SLIT2: variants seen among roughly 807,000 people sequenced by gnomAD.
The protein encoded by SLIT2 is slit homolog 2 protein.
SLIT2 carries 41 observed loss-of-function variants against 185.7 expected under a neutral mutation model. The ratio of observed to expected loss-of-function variants is 0.22; its 90% CI spans 0.17 to 0.29. The LOEUF is 0.29. Among genes scored for constraint, SLIT2 ranks in the 10% least tolerant of loss-of-function variants. The pLI, the probability that SLIT2 is intolerant of heterozygous loss-of-function variation, is 1.00. For missense variants in SLIT2, 1,571 were observed against 1,909.0 expected (o/e 0.82, Z 3.30); for synonymous variants, 693 against 680.2 (o/e 1.02, Z -0.29).
intron 4 of SLIT2, among the ~76,000 whole-genome samples, chr4:20,362,228 G>C (rs1165936456): frequency 6.6e-6 from 1 of 152,062 alleles, no homozygotes; most frequent in Non-Finnish European, 1.5e-5. Flanking sequence ...TATCAAGGAT[G>C]GTTCTGTCTG....
At chr4:20,332,011 T>A (rs1720103341) in intron 4 of SLIT2, among the ~76,000 whole-genome samples, 1 of 152,232 alleles carries the variant, frequency 6.6e-6, no homozygotes, top group African/African-American at 2.4e-5. Flanking sequence ...TTACTTTGTT[T>A]ATCCATTCAC....
chr4:20,483,061 G>A (rs992477829), intron 6 of SLIT2, among the ~76,000 whole-genome samples: 2 of 151,874 alleles, frequency 1.3e-5, no homozygotes, highest in South Asian at 2.1e-4. Flanking sequence ...TTTACCATTC[G>A]TGACTCTTTA....
intron 20 of SLIT2, among the ~76,000 whole-genome samples, 180 bp from the exon 21 acceptor site, chr4:20,542,314 C>T (rs1403344280): frequency 1.3e-5 from 2 of 152,094 alleles, no homozygotes; most frequent in Non-Finnish European, 2.9e-5. Context: ...CCTAGGCAGT[C>T]TGAAAACAGT....
intron 4 of SLIT2, among the ~76,000 whole-genome samples, chr4:20,395,448 A>G (rs560559623): frequency 6.6e-6 from 1 of 152,184 alleles, no homozygotes; most frequent in South Asian, 2.1e-4. Flanking sequence ...GATTTTATTC[A>G]ATAGGATTAG....
intron 29 of SLIT2, among the ~76,000 whole-genome samples, chr4:20,572,322 G>T (rs1725674728): frequency 6.6e-6 from 1 of 152,136 alleles, no homozygotes; most frequent in Non-Finnish European, 1.5e-5. Context: ...TTGAAAAGTT[G>T]AATTCACTAT....
chr4:20,362,642 T>C (rs1424244636), intron 4 of SLIT2, among the ~76,000 whole-genome samples: 2 of 151,846 alleles, frequency 1.3e-5, no homozygotes, highest in Non-Finnish European at 2.9e-5. Context: ...TAAAATAACG[T>C]GTATCTTCTT....
chr4:20,390,773 A>ATTT (rs1560381295), intron 4 of SLIT2, among the ~76,000 whole-genome samples: 1 of 111,002 alleles, frequency 9.0e-6, no homozygotes, highest in Admixed American at 8.9e-5. Context: ...TTTTTTTTTA[A>ATTT]AAAAAAATAT....
chr4:20,300,610 A>G (rs958975114), intron 4 of SLIT2, among the ~76,000 whole-genome samples: 1 of 152,156 alleles, frequency 6.6e-6, no homozygotes, highest in Non-Finnish European at 1.5e-5. Flanking sequence ...ACATGCACAC[A>G]CACACACACA....
At chr4:20,289,865 C>A (rs1443648960) in intron 4 of SLIT2, among the ~76,000 whole-genome samples, 1 of 152,182 alleles carries the variant, frequency 6.6e-6, no homozygotes, top group Non-Finnish European at 1.5e-5. Context: ...AAGATATAAA[C>A]CCTCATTCGT....
At chr4:20,298,658 T>C (rs1716736354) in intron 4 of SLIT2, among the ~76,000 whole-genome samples, 1 of 152,204 alleles carries the variant, frequency 6.6e-6, no homozygotes, top group South Asian at 2.1e-4. Context: ...AACCTCAGTG[T>C]TCTAAATGGT....
chr4:20,289,832 TC>T (rs1715626615), intron 4 of SLIT2, among the ~76,000 whole-genome samples: 1 of 152,172 alleles, frequency 6.6e-6, no homozygotes, highest in African/African-American at 2.4e-5. Context: ...TGGAGGGCTT[TC>T]CCAGTTTGTG....
At position 20,439,189 on chromosome 4, in the gene SLIT2, A is replaced by G. The variant is rs74367165; in HGVS notation, c.396-28563A>G. 2.7e-3 allele frequency among the ~76,000 whole-genome samples: 406 copies of G among 152,334 alleles called. 2 individuals are homozygous for G. The highest frequency in any genetic ancestry group is 9.6e-3 in the African/African-American group (401 of 41,576). On this transcript the variant is annotated intron_variant, in intron 4 of 36. Coordinates refer to ENST00000504154, the MANE Select transcript of SLIT2 (RefSeq NM_004787.4). ...GTTTTAAACACAGTTCCGAGGTATT[A>G]ATTATATCTTACATGTAAGACACAT...
intron 16 of SLIT2, among the ~76,000 whole-genome samples, 156 bp downstream of exon 16, chr4:20,529,255 AT>A (rs1232285205): frequency 6.6e-6 from 1 of 152,228 alleles, no homozygotes; most frequent in Non-Finnish European, 1.5e-5. Context: ...ACAAGAATAT[AT>A]TAGAGGCTAC....
chr4:20,266,549 A>C (rs1560267892), intron 3 of SLIT2, among the ~76,000 whole-genome samples: 1 of 151,980 alleles, frequency 6.6e-6, no homozygotes, highest in Non-Finnish European at 1.5e-5. Flanking sequence ...TACTAAGAGA[A>C]CAATCTGTTC....
chr4:20,494,645 C>T (rs1430874451), intron 9 of SLIT2, among the ~76,000 whole-genome samples: 1 of 151,708 alleles, frequency 6.6e-6, no homozygotes, highest in South Asian at 2.1e-4. Context: ...CGGGCGTGGT[C>T]GTGGATGCCT....
Position 20,434,421 on chromosome 4 carries a change from G to A in SLIT2, c.396-33331G>A, listed in dbSNP as rs183231755. Among the ~76,000 whole-genome samples, 362 of 152,268 alleles carry A rather than the reference G, an allele frequency of 2.4e-3. 3 individuals are homozygous for A. The highest frequency in any genetic ancestry group is 0.01 in the Middle Eastern group (3 of 294). On this transcript the variant is annotated intron_variant, in intron 4 of 36. Transcript: ENST00000504154. ...GAATCACTTGAACCCGGGAGGCAGA[G>A]GTTGTGGTGAGCCAAGATCGCACCA...
intron 9 of SLIT2, among the ~76,000 whole-genome samples, chr4:20,507,846 G>T (rs1460774778): frequency 1.3e-5 from 2 of 151,732 alleles, no homozygotes; most frequent in Non-Finnish European, 3.0e-5. Context: ...TTAATACATT[G>T]AAATAATACT....
chr4:20,254,067 T>G lies in SLIT2; in HGVS notation c.179+73T>G. 1.4e-6 allele frequency: 2 copies of G among 1,464,568 alleles called. No individual in the cohort carries two copies. The highest frequency in any genetic ancestry group is 1.9e-6 in the Non-Finnish European group (2 of 1,072,906). 90.7% of individuals were successfully genotyped at this position (1,464,568 alleles called of 1,614,324 possible). A position where few individuals can be genotyped will look rare whatever the true frequency, so the allele number is the denominator to read the frequency against. On this transcript the variant is annotated intron_variant, in intron 1 of 36. Transcript: ENST00000504154. The surrounding 1 kb of genome is among the most constrained non-coding windows in gnomAD (Gnocchi z 5.1). ...CCCCTGCCTCCACTGGAGGAACCTGTCAGCTCAGGGTCCTGTGCCTGGGGC... is the reference window on the plus strand; with the variant it reads ...CCCCTGCCTCCACTGGAGGAACCTGGCAGCTCAGGGTCCTGTGCCTGGGGC...
intron 9 of SLIT2, among the ~76,000 whole-genome samples, chr4:20,499,573 T>C (rs1175625586): frequency 6.6e-6 from 1 of 152,170 alleles, no homozygotes; most frequent in East Asian, 1.9e-4. Context: ...TACTGCAAGG[T>C]CCGCCTCCTG....
Sources: allele counts gnomAD v4.1 joint callset (sites outside exome capture counted in the v4.1 genomes callset), GRCh38; gene constraint gnomAD v4.1.1; non-coding constraint Gnocchi (gnomAD v3.1); transcripts MANE v1.5; gene names NCBI Gene and HGNC (gene_info 2026-07-23, HGNC 2026-07-21).